The following PLCG2 variants were observed in gnomAD, a reference collection of about 807,000 sequenced individuals.
PLCG2 encodes the protein 1-phosphatidylinositol 4,5-bisphosphate phosphodiesterase gamma-2.
A neutral mutation model predicts 175.6 loss-of-function variants in PLCG2; 69 were observed. That is an observed-to-expected ratio of 0.39 (90% CI 0.32 to 0.48). PLCG2 has a LOEUF of 0.48. PLCG2 is among the 20% of genes least tolerant of loss of function. The pLI is 0.91. For synonymous variants in PLCG2, 827 were observed against 624.0 expected, an observed-to-expected ratio of 1.33 and a Z score of -4.85; for missense variants, 1,798 against 1,650.9, an observed-to-expected ratio of 1.09 and a Z score of -1.54.
chr16:81,879,833 T>C (rs1017228807), intron 7 of PLCG2, among the ~76,000 whole-genome samples: 3 of 152,098 alleles, frequency 2.0e-5, no homozygotes, highest in Non-Finnish European at 4.4e-5. Context: ...GGCGCCCCCC[T>C]TGGTGGAAGA....
intron 2 of PLCG2, among the ~76,000 whole-genome samples, chr16:81,818,078 C>T (rs1372194903): frequency 6.6e-6 from 1 of 152,186 alleles, no homozygotes; most frequent in Admixed American, 6.5e-5. Context: ...CGGCTCGTGT[C>T]CCCTGATCTG....
chr16:81,925,480 C>A (rs532579128), intron 22 of PLCG2, among the ~76,000 whole-genome samples: 4 of 152,154 alleles, frequency 2.6e-5, no homozygotes, highest in African/African-American at 9.7e-5. Context: ...GCTTACAACC[C>A]GCAGTCCTGT....
At chr16:81,893,492 C>T (rs1166186306) in intron 11 of PLCG2, among the ~76,000 whole-genome samples, 1 of 152,248 alleles carries the variant, frequency 6.6e-6, no homozygotes, top group Non-Finnish European at 1.5e-5. Flanking sequence ...CAGTCACTTC[C>T]TGCGATTGTG....
chr16:81,881,649 T>C (rs1442404788), intron 8 of PLCG2, among the ~76,000 whole-genome samples: 1 of 152,234 alleles, frequency 6.6e-6, no homozygotes, highest in Non-Finnish European at 1.5e-5. Context: ...AATTTTTATA[T>C]AGTATGTATA....
intron 8 of PLCG2, among the ~76,000 whole-genome samples, chr16:81,882,127 T>C (rs1296460323): frequency 6.6e-6 from 1 of 152,176 alleles, no homozygotes; most frequent in African/African-American, 2.4e-5. Flanking sequence ...TAGACCTCTT[T>C]TCCCCAGGCT....
chr16:81,910,582 A>G lies in PLCG2; in HGVS notation c.1796A>G (p.Tyr599Cys). Reference protein sequence around the residue: ...RSTMEGGTLKYYLTDNLTFSS... With the variant: ...RSTMEGGTLKCYLTDNLTFSS... ...ACCATGGAGGGCGGGACCCTGAAAT[A>G]CTACTTGACTGACAACCTCACCTTC... Residue 599 changes from tyrosine (Y) to cysteine (C), a missense_variant, in exon 18 of 33, where the codon TAC becomes TGC. Transcript: ENST00000564138. 6.2e-7 allele frequency: 1 copy of G among 1,614,148 alleles called. No individual in the cohort carries two copies. Among genetic ancestry groups the G allele is most frequent in the Non-Finnish European group, 8.5e-7 (1 of 1,179,994 alleles).
intron 14 of PLCG2, among the ~76,000 whole-genome samples, chr16:81,904,145 T>C (rs913622763): frequency 6.6e-6 from 1 of 152,174 alleles, no homozygotes. Context: ...AGAGCCTGTT[T>C]TCCCATGCCT....
intron 2 of PLCG2, among the ~76,000 whole-genome samples, chr16:81,769,434 A>G (rs923045200): frequency 1.1e-4 from 17 of 152,178 alleles, no homozygotes; most frequent in Non-Finnish European, 1.3e-4. Context: ...AGTAAGGCCA[A>G]TAACTCCCGG....
At position 81,883,336 on chromosome 16, in the gene PLCG2, C is replaced by G; in HGVS notation, c.760C>G (p.Gln254Glu). 1.2e-6 allele frequency: 2 copies of G among 1,613,498 alleles called. No individual in the cohort carries two copies. Among genetic ancestry groups the G allele is most frequent in the Non-Finnish European group, 8.5e-7 (1 of 1,179,526 alleles). The change falls in exon 9 of 33, where the codon CAG (glutamine) becomes GAG (glutamate). Residue 254 changes from glutamine to glutamate, a missense_variant. Coordinates refer to ENST00000564138, the MANE Select transcript of PLCG2 (RefSeq NM_002661.5). The stretch of plus-strand genomic sequence containing the variant: ...CTTCCAGAGGTTTCTCATACATGAA[C>G]AGCAGGTGAGAGCACAAGGTGTGTG... ...HDFQRFLIHE[Q>E]QEHWAQDLNK...
intron 2 of PLCG2, among the ~76,000 whole-genome samples, chr16:81,838,493 G>A (rs1483782425): frequency 1.3e-5 from 2 of 152,052 alleles, no homozygotes; most frequent in Non-Finnish European, 2.9e-5. Context: ...ATCATTCTCA[G>A]CAAACTAACA....
At chr16:81,823,147 C>T (rs561460914) in intron 2 of PLCG2, among the ~76,000 whole-genome samples, 14 of 152,372 alleles carry the variant, frequency 9.2e-5, no homozygotes, top group Non-Finnish European at 1.3e-4. Context: ...TGGATGATGG[C>T]GCCTTATGGT....
chr16:81,891,270 T>A (rs1023516754), intron 10 of PLCG2, among the ~76,000 whole-genome samples: 21 of 152,164 alleles, frequency 1.4e-4, no homozygotes, highest in Middle Eastern at 3.4e-3. Flanking sequence ...ATTGTCTAGG[T>A]CCATGGAACA....
intron 24 of PLCG2, among the ~76,000 whole-genome samples, chr16:81,929,308 C>A: frequency 6.6e-6 from 1 of 152,258 alleles, no homozygotes; most frequent in Middle Eastern, 3.4e-3. Context: ...TGGGCAGGCA[C>A]GGGCATGCTC....
intron 30 of PLCG2, among the ~76,000 whole-genome samples, chr16:81,943,982 AAG>A (rs1911055391): frequency 6.6e-6 from 1 of 152,190 alleles, no homozygotes; most frequent in Non-Finnish European, 1.5e-5. Context: ...GCTCATTTTG[AAG>A]AGAACAAAAG....
intron 1 of PLCG2, among the ~76,000 whole-genome samples, chr16:81,741,990 A>C (rs983129389): frequency 7.2e-5 from 11 of 152,070 alleles, no homozygotes; most frequent in Non-Finnish European, 1.6e-4. Context: ...CCTCCTACCT[A>C]GCTGAAATTT....
At chr16:81,807,511 A>G (rs1250203445) in intron 2 of PLCG2, among the ~76,000 whole-genome samples, 2 of 152,236 alleles carry the variant, frequency 1.3e-5, no homozygotes, top group African/African-American at 2.4e-5. Flanking sequence ...TAACGCCACC[A>G]TAAGAGCTGA....
intron 2 of PLCG2, among the ~76,000 whole-genome samples, chr16:81,770,342 A>G (rs999145901): frequency 5.3e-5 from 8 of 152,260 alleles, no homozygotes; most frequent in African/African-American, 1.9e-4. Flanking sequence ...TAAGACATGC[A>G]TAGTAAAGAA....
At position 81,948,467 on chromosome 16, in the gene PLCG2, G is replaced by A. The variant is rs183857519; in HGVS notation, c.3570+2204G>A. Among the ~76,000 whole-genome samples the A allele has an allele frequency of 1.7e-4, 26 of 152,286 alleles. 1 individual carries two copies. The highest frequency in any genetic ancestry group is 3.5e-4 in the Non-Finnish European group (24 of 68,006). On this transcript the variant is annotated intron_variant, in intron 31 of 32. Transcript: ENST00000564138. ...GGTGGACTGGGTTCTGTTTTGTGCT[G>A]GGTAGGAGCTAACCTGCAAGGGGTG...
At chr16:81,939,271 G>C (rs1567542068) in intron 29 of PLCG2, among the ~76,000 whole-genome samples, 1 of 152,148 alleles carries the variant, frequency 6.6e-6, no homozygotes, top group Non-Finnish European at 1.5e-5. Context: ...TGGCTGACCT[G>C]ACCCAGAGGA....
Sources: allele counts gnomAD v4.1 joint callset (sites outside exome capture counted in the v4.1 genomes callset), GRCh38; gene constraint gnomAD v4.1.1; transcripts MANE v1.5; gene names NCBI Gene and HGNC (gene_info 2026-07-23, HGNC 2026-07-21).